The following WSCD2 variants were observed in gnomAD, a reference collection of about 807,000 sequenced individuals.
The protein encoded by WSCD2 is WSC domain sialate O sulfotransferase 2, also known as sialate:O-sulfotransferase 2.
Under a neutral mutation model 55.7 loss-of-function variants are expected in WSCD2, and 28 were observed. The ratio of observed to expected loss-of-function variants is 0.50; its 90% CI spans 0.37 to 0.69. WSCD2 has a LOEUF of 0.69. WSCD2 is among the 30% of genes least tolerant of loss of function. The pLI is 0.00. For missense variants in WSCD2, 616 were observed against 762.1 expected, an observed-to-expected ratio of 0.81 and a Z score of 2.26; for synonymous variants, 301 against 301.9, an observed-to-expected ratio of 1.00 and a Z score of 0.03.
chr12:108,223,121 T>C (rs867181008), intron 4 of WSCD2, among the ~76,000 whole-genome samples: 1 of 152,234 alleles, frequency 6.6e-6, no homozygotes, highest in Admixed American at 6.5e-5. Context: ...CTCACCCACA[T>C]TATCAAGGGT....
In WSCD2 at chr12:108,239,222, C is replaced by T. The variant is rs146566212; in HGVS notation, c.1145-1122C>T. Among the ~76,000 whole-genome samples the T allele has an allele frequency of 7.9e-5, 12 of 152,302 alleles. No individual in the cohort carries two copies. The East Asian group carries it at 2.3e-3, about 29-fold the overall frequency. ...TCATATGTGACAGATTTCTTCCCAC[C>T]CACCACAGGCCCTTTGCACCTACGT... On this transcript the variant is annotated intron_variant, in intron 7 of 8. Coordinates refer to ENST00000547525, the MANE Select transcript of WSCD2 (RefSeq NM_014653.4).
At chr12:108,163,626 A>T (rs1483060446) in intron 1 of WSCD2, among the ~76,000 whole-genome samples, 1 of 152,172 alleles carries the variant, frequency 6.6e-6, no homozygotes, top group Non-Finnish European at 1.5e-5. Context: ...CATAAGAGGG[A>T]GGCAGGGAAG....
intron 2 of WSCD2, among the ~76,000 whole-genome samples, chr12:108,201,823 G>A (rs1316593768): frequency 6.6e-6 from 1 of 152,080 alleles, no homozygotes; most frequent in African/African-American, 2.4e-5. Flanking sequence ...AAGATTAATT[G>A]TAGCAAAAGA....
Position 108,195,676 on chromosome 12 carries a change from TC to T in WSCD2, c.-153del. On this transcript the variant is annotated 5_prime_UTR_variant, in exon 2 of 9. The change abolishes the stop of an existing upstream ORF in the 5' untranslated region. Coordinates refer to ENST00000547525, the MANE Select transcript of WSCD2 (RefSeq NM_014653.4). Reference sequence around the variant, plus strand: ...CCTCAGCCAAGCATTGAACTTGCCCTCCCCTTCTGGCCTTGGTGATCACTTT... The same window carrying T: ...CCTCAGCCAAGCATTGAACTTGCCCTCCCTTCTGGCCTTGGTGATCACTTT... 9.5e-7 allele frequency: 1 copy of T among 1,052,040 alleles called. No homozygotes were observed. Among genetic ancestry groups the T allele is most frequent in the East Asian group, 2.6e-5 (1 of 37,888 alleles). The allele number at this position is 1,052,040 out of a possible 1,614,324, so 65.2% of individuals were successfully genotyped here.
At chr12:108,130,224 C>A (rs1390539731) in intron 1 of WSCD2, among the ~76,000 whole-genome samples, 1 of 152,210 alleles carries the variant, frequency 6.6e-6, no homozygotes, top group Non-Finnish European at 1.5e-5. Flanking sequence ...AAGGGCTTCT[C>A]CCGCGGAGGT....
chr12:108,217,435 G>A (rs1337940094), intron 4 of WSCD2, among the ~76,000 whole-genome samples: 1 of 152,184 alleles, frequency 6.6e-6, no homozygotes, highest in Non-Finnish European at 1.5e-5. Context: ...TGCAGGAAAT[G>A]AGGGAAGTGG....
chr12:108,161,739 G>A (rs1879087674), intron 1 of WSCD2, among the ~76,000 whole-genome samples: 3 of 152,180 alleles, frequency 2.0e-5, no homozygotes, highest in African/African-American at 7.2e-5. Context: ...TTCTTGTTTT[G>A]TTATTCCTAT....
chr12:108,143,924 G>A (rs1006438003), intron 1 of WSCD2, among the ~76,000 whole-genome samples: 1 of 152,186 alleles, frequency 6.6e-6, no homozygotes, highest in African/African-American at 2.4e-5. Context: ...GGGTCCCATA[G>A]GCATGAGACA....
At chr12:108,209,054 T>C (rs1241364160) in intron 3 of WSCD2, among the ~76,000 whole-genome samples, 1 of 152,192 alleles carries the variant, frequency 6.6e-6, no homozygotes, top group Non-Finnish European at 1.5e-5. Context: ...TTTTCCTCCA[T>C]CTCAGGTTTT....
intron 4 of WSCD2, among the ~76,000 whole-genome samples, chr12:108,218,193 A>G (rs1213679931): frequency 6.6e-6 from 1 of 152,236 alleles, no homozygotes; most frequent in Non-Finnish European, 1.5e-5. Flanking sequence ...CTCTGAAATG[A>G]GAGGAAACTT....
chr12:108,246,367 T>C (rs2137250308), intron 8 of WSCD2, among the ~76,000 whole-genome samples: 1 of 152,340 alleles, frequency 6.6e-6, no homozygotes, highest in East Asian at 1.9e-4. Context: ...AGTTCTTCTG[T>C]TGCCTGCTCT....
intron 4 of WSCD2, among the ~76,000 whole-genome samples, chr12:108,216,858 G>A (rs1886900952): frequency 1.3e-5 from 2 of 152,218 alleles, no homozygotes; most frequent in South Asian, 4.1e-4. Flanking sequence ...GGCAGGCCCA[G>A]CCTGTCCCTC....
At chr12:108,187,718 A>G (rs1882681324) in intron 1 of WSCD2, among the ~76,000 whole-genome samples, 1 of 152,226 alleles carries the variant, frequency 6.6e-6, no homozygotes, top group Non-Finnish European at 1.5e-5. Flanking sequence ...ACAGTAGCTC[A>G]TTTAACCCTC....
In WSCD2 at chr12:108,248,083, T is replaced by C; in HGVS notation, c.1438T>C (p.Phe480Leu). The change falls in exon 9 of 9, where the codon TTT becomes CTT. Residue 480 changes from phenylalanine to leucine, a missense_variant. Phe to Leu is a conservative substitution (Grantham distance 22, BLOSUM62 0). This residue lies in a region of WSCD2 where 234 missense variants were observed against 264.6 expected (regional missense o/e 0.88). Transcript: ENST00000547525. The surrounding 1 kb of genome is among the most constrained non-coding windows in gnomAD (Gnocchi z 4.3). ...TGGCAAGAAGGTGCTGGTGGTGCAC[T>C]TTGAGGACCTGAAGCAGGACCTCTT... ...KFGKKVLVVH[F>L]EDLKQDLFVQ... 2 of 1,614,238 alleles carry C rather than the reference T, an allele frequency of 1.2e-6. No homozygotes were observed. The highest frequency in any genetic ancestry group is 2.2e-5 in the East Asian group (1 of 44,880).
chr12:108,243,936 G>A (rs1889925790), intron 8 of WSCD2, among the ~76,000 whole-genome samples: 1 of 152,176 alleles, frequency 6.6e-6, no homozygotes, highest in Admixed American at 6.5e-5. Flanking sequence ...TGGTTCCATA[G>A]AGTTAATTTT....
At chr12:108,192,220 C>G (rs994021966) in intron 1 of WSCD2, among the ~76,000 whole-genome samples, 2 of 152,166 alleles carry the variant, frequency 1.3e-5, no homozygotes, top group Non-Finnish European at 2.9e-5. Flanking sequence ...TCAGGTATTC[C>G]TCCTACAATG....
chr12:108,156,819 A>G lies in WSCD2; in HGVS notation c.-552+26893A>G, dbSNP rs146480647. On this transcript the variant is annotated intron_variant, in intron 1 of 8. Coordinates refer to ENST00000547525, the MANE Select transcript of WSCD2 (RefSeq NM_014653.4). ...TCTCCCTGGTCACCACCAAACCCCA[A>G]CTAGCCATCCAGCATGTTTCCTCTA... 3.4e-3 allele frequency among the ~76,000 whole-genome samples: 524 copies of G among 152,330 alleles called. 2 individuals carry two copies. The highest frequency in any genetic ancestry group is 5.4e-3 in the Non-Finnish European group (364 of 68,028).
At chr12:108,205,857 T>G (rs943780745) in intron 2 of WSCD2, among the ~76,000 whole-genome samples, 3 of 152,212 alleles carry the variant, frequency 2.0e-5, no homozygotes, top group Non-Finnish European at 4.4e-5. Flanking sequence ...GACCTAGACC[T>G]TGAGATAGCT....
At chr12:108,207,823 T>G (rs566707158) in intron 3 of WSCD2, among the ~76,000 whole-genome samples, 2 of 152,124 alleles carry the variant, frequency 1.3e-5, no homozygotes, top group East Asian at 3.9e-4. Context: ...ATCACTAACT[T>G]ATCTGTCAAA....
Sources: allele counts gnomAD v4.1 joint callset (sites outside exome capture counted in the v4.1 genomes callset), GRCh38; gene constraint gnomAD v4.1.1; regional missense constraint gnomAD v4.1.1; non-coding constraint Gnocchi (gnomAD v3.1); transcripts MANE v1.5; gene names NCBI Gene and HGNC (gene_info 2026-07-23, HGNC 2026-07-21).